Variants in CTBP2 observed in about 807,000 individuals in gnomAD.
The protein encoded by CTBP2 is C-terminal binding protein 2.
CTBP2 carries 30 observed loss-of-function variants against 80.3 expected under a neutral mutation model. The ratio of observed to expected loss-of-function variants is 0.37; its 90% CI spans 0.28 to 0.51. CTBP2 has a LOEUF of 0.51. Ranked by LOEUF, CTBP2 falls within the 20% of genes least tolerant of loss-of-function variation. CTBP2 has a pLI of 0.93. For synonymous variants in CTBP2, 594 were observed against 587.4 expected (o/e 1.01, Z -0.16); for missense variants, 1,212 against 1,375.3 (o/e 0.88, Z 1.88).
At chr10:125,108,444 TA>T (rs1409032556) in intron 2 of CTBP2, among the ~76,000 whole-genome samples, 3 of 152,228 alleles carry the variant, frequency 2.0e-5, no homozygotes, top group Non-Finnish European at 4.4e-5. Context: ...GCCCACATTT[TA>T]AAAGATGTGT....
rs1951978040 is a variant in CTBP2 at position 124,984,320 on chromosome 10, T to G, written c.*5198A>C. 1 of 155,802 alleles carries G rather than the reference T, an allele frequency of 6.4e-6. No homozygotes were observed. Among genetic ancestry groups the G allele is most frequent in the Non-Finnish European group, 1.4e-5 (1 of 70,576 alleles). 9.7% of individuals were successfully genotyped at this position (155,802 alleles called of 1,614,324 possible). ...ACGCTCTTTCAGAAAGCCAGTATTC[T>G]TATAAAAGTATTGGTCTTTTATTTA... On this transcript the variant is annotated 3_prime_UTR_variant, in exon 9 of 9. Coordinates refer to ENST00000309035, the MANE Select transcript of CTBP2 (RefSeq NM_022802.3).
Position 124,984,634 on chromosome 10 carries a change from G to T in CTBP2, c.*4884C>A. 2.6e-6 allele frequency: 2 copies of T among 760,064 alleles called. No individual in the cohort carries two copies. 47.1% of individuals were successfully genotyped at this position (760,064 alleles called of 1,614,324 possible). On this transcript the variant is annotated 3_prime_UTR_variant, in exon 9 of 9. Coordinates refer to ENST00000309035, the MANE Select transcript of CTBP2 (RefSeq NM_022802.3). ...TGGACTTTAATCACAAAACTTCCAA[G>T]AGGTCAAAACCATGTGAAAAGTTGA...
rs1844696684 is a variant in CTBP2, at chr10:125,066,744, T to C, written c.-101-27589A>G. Among the ~76,000 whole-genome samples the C allele has an allele frequency of 6.6e-6, 1 of 152,168 alleles. No individual in the cohort carries two copies. Among genetic ancestry groups the C allele is most frequent in the South Asian group, 2.1e-4 (1 of 4,830 alleles). ...GAGCCCTTCACACCTGGGGGTTTCT[T>C]ATCCATAAATGGAACGACCTCACCA... On this transcript the variant is annotated intron_variant, in intron 2 of 10. Transcript: ENST00000337195. This position sits in a 1 kb window ranked among gnomAD's most constrained non-coding sequence, Gnocchi z 4.1.
intron 1 of CTBP2, among the ~76,000 whole-genome samples, chr10:125,151,694 C>G (rs574182135): frequency 1.4e-3 from 206 of 152,318 alleles, no homozygotes; most frequent in African/African-American, 4.7e-3. Context: ...CCTGGTGCAA[C>G]CAGGTCCCCG....
In CTBP2 at chr10:125,027,077, G is replaced by A; in HGVS notation, c.683C>T (p.Ala228Val). ...GGGGTCCACAACCAGGCACGTCGGG[G>A]CCACCTGTCTGGCAGGGGCAGGGTC... Residue 228 changes from alanine (A) to valine (V), a missense_variant, in exon 1 of 9, where the codon GCC (alanine) becomes GTC (valine). Coordinates refer to ENST00000309035, the MANE Select transcript of CTBP2 (RefSeq NM_022802.3). 1 of 1,612,250 alleles carries A rather than the reference G, an allele frequency of 6.2e-7. No homozygotes were observed. The highest frequency in any genetic ancestry group is 1.1e-5 in the South Asian group (1 of 91,022).
chr10:125,052,145 G>A (rs1962931775), intron 2 of CTBP2, among the ~76,000 whole-genome samples: 1 of 152,218 alleles, frequency 6.6e-6, no homozygotes, highest in Non-Finnish European at 1.5e-5. Context: ...GCTGAGACCT[G>A]CAAGCTCAGG....
chr10:125,076,533 C>T (rs1205113025), intron 2 of CTBP2, among the ~76,000 whole-genome samples: 1 of 152,194 alleles, frequency 6.6e-6, no homozygotes, highest in Non-Finnish European at 1.5e-5. Flanking sequence ...CACAGCCCCA[C>T]ACTCCTTCCA....
chr10:125,074,734 C>T (rs1015683314), intron 2 of CTBP2, among the ~76,000 whole-genome samples: 1 of 152,240 alleles, frequency 6.6e-6, no homozygotes, highest in Non-Finnish European at 1.5e-5. Flanking sequence ...CCAGTAACTT[C>T]TTTCTTACCT....
rs1491004823 is a variant in CTBP2, at chr10:124,986,322, C to CA, written c.*3195dup. ...ACACACACACACACACACACACACA[C>CA]AGTTTTTTCCTTCCCTGTGATGAAA... is the stretch of plus-strand genomic sequence containing the variant. On this transcript the variant is annotated 3_prime_UTR_variant, in exon 9 of 9. Transcript: ENST00000309035. 2.0e-5 allele frequency: 3 copies of CA among 152,102 alleles called. No homozygotes were observed. Among genetic ancestry groups the CA allele is most frequent in the Non-Finnish European group, 4.4e-5 (3 of 67,994 alleles). The allele number at this position is 152,102 out of a possible 1,614,324, so 9.4% of individuals were successfully genotyped here. A position where few individuals can be genotyped will look rare whatever the true frequency, so the allele number is the denominator to read the frequency against.
Position 124,997,807 on chromosome 10 carries a change from G to C in CTBP2, c.2185+157C>G, listed in dbSNP as rs574080484. 4.2e-6 allele frequency: 3 copies of C among 716,664 alleles called. No individual in the cohort carries two copies. The African/African-American group carries it at 5.3e-5, about 13-fold the overall frequency. 44.4% of individuals were successfully genotyped at this position (716,664 alleles called of 1,614,324 possible). A position where few individuals can be genotyped will look rare whatever the true frequency, so the allele number is the denominator to read the frequency against. On this transcript the variant is annotated intron_variant, in intron 4 of 8. Coordinates refer to ENST00000309035, the MANE Select transcript of CTBP2 (RefSeq NM_022802.3). Reference sequence around the variant, plus strand: ...TAGGGTGAGTTGCCTGATGGGTCTTGACTCCGATCTCCTACCCCGTGCAAC... The same window carrying C: ...TAGGGTGAGTTGCCTGATGGGTCTTCACTCCGATCTCCTACCCCGTGCAAC...
intron 2 of CTBP2, among the ~76,000 whole-genome samples, chr10:125,068,595 C>T (rs1270178473): frequency 6.6e-6 from 1 of 152,184 alleles, no homozygotes; most frequent in African/African-American, 2.4e-5. Context: ...CTATACCACA[C>T]CACAGATGCT....
intron 3 of CTBP2, chr10:125,001,152 G>A (rs1337963360): frequency 6.6e-6 from 1 of 152,248 alleles, no homozygotes; most frequent in East Asian, 1.9e-4. Flanking sequence ...CCTGTGCGGG[G>A]CACTTCTAGA....
chr10:125,084,336 C>T (rs922236837), intron 2 of CTBP2, among the ~76,000 whole-genome samples: 2 of 152,152 alleles, frequency 1.3e-5, no homozygotes, highest in African/African-American at 2.4e-5. Context: ...GCACGGAGAA[C>T]GGTCCAGTCA....
chr10:125,076,267 A>G (rs1846259607), intron 2 of CTBP2, among the ~76,000 whole-genome samples: 1 of 152,146 alleles, frequency 6.6e-6, no homozygotes. Flanking sequence ...AACTCCACTC[A>G]GGTGGGCTGG....
rs1246614734 is a variant in CTBP2, at chr10:124,986,287, G to GCACACACACA, written c.*3230_*3231insTGTGTGTGTG. ...GGAAAGACGACACACGCACGCGCGC[G>GCACACACACA]CGCGCACACACACACACACACACAC... On this transcript the variant is annotated 3_prime_UTR_variant, in exon 9 of 9. Coordinates refer to ENST00000309035, the MANE Select transcript of CTBP2 (RefSeq NM_022802.3). 4.1e-5 allele frequency: 3 copies of GCACACACACA among 73,022 alleles called. No homozygotes were observed. Among genetic ancestry groups the GCACACACACA allele is most frequent in the Admixed American group, 1.4e-4 (1 of 6,922 alleles). The allele number at this position is 73,022 out of a possible 1,614,324, so 4.5% of individuals were successfully genotyped here. A position where few individuals can be genotyped will look rare whatever the true frequency, so the allele number is the denominator to read the frequency against.
intron 1 of CTBP2, among the ~76,000 whole-genome samples, chr10:125,013,666 G>T (rs1956164970): frequency 1.3e-5 from 2 of 152,206 alleles, no homozygotes; most frequent in Admixed American, 1.3e-4. Context: ...AGGCGCTGCT[G>T]TTTCCCCAGC....
At chr10:125,073,813 G>T (rs559494295) in intron 2 of CTBP2, among the ~76,000 whole-genome samples, 28 of 152,260 alleles carry the variant, frequency 1.8e-4, no homozygotes, top group African/African-American at 6.7e-4. Flanking sequence ...CCCCGGAAAG[G>T]GTCCGGACAT....
At chr10:125,076,593 C>A (rs1846307051) in intron 2 of CTBP2, among the ~76,000 whole-genome samples, 1 of 152,210 alleles carries the variant, frequency 6.6e-6, no homozygotes, top group Admixed American at 6.5e-5. Flanking sequence ...AGGCAGCGCG[C>A]CTCTCCACGC....
At chr10:125,086,685 A>C (rs928962179) in intron 2 of CTBP2, among the ~76,000 whole-genome samples, 3 of 151,642 alleles carry the variant, frequency 2.0e-5, no homozygotes, top group Non-Finnish European at 4.4e-5. Flanking sequence ...ACCGTCTCTG[A>C]ACCAGAACTT....
Sources: allele counts gnomAD v4.1 joint callset (sites outside exome capture counted in the v4.1 genomes callset), GRCh38; gene constraint gnomAD v4.1.1; non-coding constraint Gnocchi (gnomAD v3.1); transcripts MANE v1.5; gene names NCBI Gene and HGNC (gene_info 2026-07-23, HGNC 2026-07-21).